Variants in PDE11A observed in about 807,000 individuals in gnomAD.
PDE11A encodes dual 3',5'-cyclic-AMP and -GMP phosphodiesterase 11A.
PDE11A carries 100 observed loss-of-function variants against 100.5 expected under a neutral mutation model. The ratio of observed to expected loss-of-function variants is 1.00; its 90% CI spans 0.85 to 1.18. The LOEUF is 1.18. PDE11A is among the 50% of genes most tolerant of loss of function. The pLI, the probability that PDE11A is intolerant of heterozygous loss-of-function variation, is 0.00. For missense variants in PDE11A, 1,141 were observed against 1,152.6 expected (o/e 0.99, Z 0.15); for synonymous variants, 381 against 420.8 (o/e 0.91, Z 1.16).
At chr2:177,946,051 TG>T (rs745374718) in intron 2 of PDE11A, among the ~76,000 whole-genome samples, 10,510 of 66,596 alleles carry the variant, frequency 0.16, 81 homozygotes, top group African/African-American at 0.24. Flanking sequence ...GGGAGGGAGG[TG>T]GGGGGGTCAG....
chr2:178,026,666 A>C (rs1445850406), intron 1 of PDE11A, among the ~76,000 whole-genome samples: 1 of 152,040 alleles, frequency 6.6e-6, no homozygotes, highest in Non-Finnish European at 1.5e-5. Flanking sequence ...GTCTCAAAAA[A>C]AAAAAAAGAA....
Position 178,009,228 on chromosome 2 carries a change from T to C in PDE11A, c.1071+5074A>G, listed in dbSNP as rs181719721. ...CAATCACCCAGGAATAACAAAGTAA[T>C]GACTTAATTGAATGCAAAGAGTCTA... On this transcript the variant is annotated intron_variant, in intron 2 of 19. Transcript: ENST00000286063. 2.4e-4 allele frequency among the ~76,000 whole-genome samples: 37 copies of C among 152,310 alleles called. No individual in the cohort carries two copies. In the East Asian group the frequency reaches 7.1e-3, roughly 29 times the overall value.
At chr2:177,845,435 C>T (rs1193757484) in intron 5 of PDE11A, among the ~76,000 whole-genome samples, 122 of 150,142 alleles carry the variant, frequency 8.1e-4, no homozygotes, top group Non-Finnish European at 1.6e-3. Context: ...AGACGATGGG[C>T]GGCCGGGCAG....
intron 15 of PDE11A, among the ~76,000 whole-genome samples, chr2:177,693,908 A>G (rs1313232894): frequency 6.6e-6 from 1 of 152,232 alleles, no homozygotes; most frequent in Non-Finnish European, 1.5e-5. Context: ...AAATAAAAAC[A>G]TCGGGGCGAC....
intron 13 of PDE11A, among the ~76,000 whole-genome samples, chr2:177,708,674 T>C (rs2081315498): frequency 6.6e-6 from 1 of 152,192 alleles, no homozygotes; most frequent in Non-Finnish European, 1.5e-5. Context: ...TTATAAGAGG[T>C]TGCATCTGTT....
At chr2:177,670,450 T>A (rs1357406611) in intron 17 of PDE11A, among the ~76,000 whole-genome samples, 1 of 150,670 alleles carries the variant, frequency 6.6e-6, no homozygotes, top group East Asian at 1.9e-4. Flanking sequence ...ATATGACAGA[T>A]TAAATGTTGA....
intron 2 of PDE11A, among the ~76,000 whole-genome samples, chr2:177,943,748 A>G (rs2085371902): frequency 6.6e-6 from 1 of 152,038 alleles, no homozygotes; most frequent in South Asian, 2.1e-4. Flanking sequence ...GACCCAGTCT[A>G]TTTTTCCCTT....
At chr2:177,636,397 T>A (rs1231102210) in intron 19 of PDE11A, among the ~76,000 whole-genome samples, 1 of 152,214 alleles carries the variant, frequency 6.6e-6, no homozygotes, top group African/African-American at 2.4e-5. Context: ...TTGAATCTAC[T>A]GAAATCTCTT....
chr2:177,876,279 G>GATGAGGCACAA (rs1231630039), intron 4 of PDE11A, among the ~76,000 whole-genome samples: 1 of 150,534 alleles, frequency 6.6e-6, no homozygotes, highest in Non-Finnish European at 1.5e-5. Flanking sequence ...AAGAGACCCA[G>GATGAGGCACAA]GTAGGGACAG....
chr2:177,778,828 AG>A (rs1301078229), intron 9 of PDE11A, among the ~76,000 whole-genome samples: 2 of 152,260 alleles, frequency 1.3e-5, no homozygotes, highest in Non-Finnish European at 2.9e-5. Context: ...CAAGTATTTA[AG>A]ACACTGCTGT....
At chr2:177,894,192 C>T (rs1465282091) in intron 4 of PDE11A, among the ~76,000 whole-genome samples, 1 of 152,128 alleles carries the variant, frequency 6.6e-6, no homozygotes, top group Non-Finnish European at 1.5e-5. Context: ...GTGACACCTA[C>T]AAGCCTAAAG....
At chr2:177,916,089 A>G (rs990066067) in intron 2 of PDE11A, among the ~76,000 whole-genome samples, 2 of 152,188 alleles carry the variant, frequency 1.3e-5, no homozygotes, top group African/African-American at 2.4e-5. Flanking sequence ...TTTGGCTTCC[A>G]TGGACTATAC....
At chr2:177,662,558 A>C (rs1407472480) in intron 19 of PDE11A, among the ~76,000 whole-genome samples, 4 of 152,206 alleles carry the variant, frequency 2.6e-5, no homozygotes, top group African/African-American at 7.2e-5. Flanking sequence ...GCTTATTCGG[A>C]GACACTGAGG....
At chr2:177,807,961 T>C (rs1256498255) in intron 9 of PDE11A, among the ~76,000 whole-genome samples, 1 of 152,172 alleles carries the variant, frequency 6.6e-6, no homozygotes, top group African/African-American at 2.4e-5. Context: ...CAATCACATC[T>C]CTTGGGGTAG....
Position 177,688,537 on chromosome 2 carries a change from T to C in PDE11A, c.2346-7634A>G, listed in dbSNP as rs148559414. On this transcript the variant is annotated intron_variant, in intron 15 of 19. Coordinates refer to ENST00000286063, the MANE Select transcript of PDE11A (RefSeq NM_016953.4). ...TTTGAAAATCCACAAAAATACCCAA[T>C]ACCCGCTGGATCCAGACTTCTTTGT... Among the ~76,000 whole-genome samples the C allele has an allele frequency of 2.5e-3, 379 of 152,156 alleles. 5 individuals carry two copies. Among genetic ancestry groups the C allele is most frequent in the African/African-American group, 8.7e-3 (359 of 41,476 alleles).
At chr2:177,808,990 C>T in intron 9 of PDE11A, among the ~76,000 whole-genome samples, 1 of 152,056 alleles carries the variant, frequency 6.6e-6, no homozygotes, top group African/African-American at 2.4e-5. Context: ...GAAGACATGC[C>T]AAGGGAAATA....
At chr2:177,904,669 C>T (rs142420650) in intron 3 of PDE11A, among the ~76,000 whole-genome samples, 2,829 of 103,022 alleles carry the variant, frequency 0.027, 52 homozygotes, top group South Asian at 0.068. Flanking sequence ...ATTCTCCTGC[C>T]TCAGCCTCCC....
At chr2:177,942,275 A>G (rs968256271) in intron 2 of PDE11A, among the ~76,000 whole-genome samples, 2 of 152,190 alleles carry the variant, frequency 1.3e-5, no homozygotes, top group African/African-American at 4.8e-5. Flanking sequence ...TACCTAATAG[A>G]CCTGTTGTGA....
intron 1 of PDE11A, among the ~76,000 whole-genome samples, chr2:178,035,955 A>T (rs2086608175): frequency 6.6e-6 from 1 of 152,216 alleles, no homozygotes; most frequent in Non-Finnish European, 1.5e-5. Flanking sequence ...TCCCTTTGAA[A>T]ACCAACACAA....
Sources: allele counts gnomAD v4.1 joint callset (sites outside exome capture counted in the v4.1 genomes callset), GRCh38; gene constraint gnomAD v4.1.1; transcripts MANE v1.5; gene names NCBI Gene and HGNC (gene_info 2026-07-23, HGNC 2026-07-21).